Variants in ESD observed in about 807,000 individuals in gnomAD.
ESD encodes S-formylglutathione hydrolase.
A neutral mutation model predicts 38.1 loss-of-function variants in ESD; 34 were observed. The observed-to-expected ratio is 0.89, with a 90% CI of 0.68 to 1.19. ESD has a LOEUF of 1.19. Ranked by LOEUF, ESD falls within the 50% of genes most tolerant of loss-of-function variation. The pLI is 0.00. For missense variants in ESD, 334 were observed against 327.2 expected (o/e 1.02, Z -0.16); for synonymous variants, 97 against 107.0 (o/e 0.91, Z 0.58).
rs1321096866 is a variant in ESD, at chr13:46,771,398, C to A, written c.*18G>T. The A allele has an allele frequency of 4.1e-6, 6 of 1,475,118 alleles. No homozygotes were observed. The highest frequency in any genetic ancestry group is 1.8e-5 in the Admixed American group (1 of 55,422). The allele number at this position is 1,475,118 out of a possible 1,614,324, so 91.4% of individuals were successfully genotyped here. ...CAACTTTTATAATCCTGAAGAGATT[C>A]TCTTATTTGGAGTTTTTTCATGCAT... On this transcript the variant is annotated 3_prime_UTR_variant, in exon 10 of 10. Transcript: ENST00000378720.
At chr13:46,774,938 A>G (rs1218818841) in intron 9 of ESD, among the ~76,000 whole-genome samples, 1 of 152,216 alleles carries the variant, frequency 6.6e-6, no homozygotes, top group Non-Finnish European at 1.5e-5. Flanking sequence ...GCAGATGCAG[A>G]GGCTAAAACA....
chr13:46,776,922 A>T (rs567745671), intron 9 of ESD: 4 of 152,206 alleles, frequency 2.6e-5, no homozygotes, highest in African/African-American at 9.6e-5. Flanking sequence ...GGACGGTCAA[A>T]AATATTTTAG....
intron 8 of ESD, among the ~76,000 whole-genome samples, chr13:46,778,858 A>C (rs1431365200): frequency 6.6e-6 from 1 of 151,880 alleles, no homozygotes; most frequent in African/African-American, 2.4e-5. Flanking sequence ...TTAATTAGTT[A>C]GAATTTCAGT....
At chr13:46,775,951 C>A in intron 9 of ESD, 1 of 224,456 alleles carries the variant, frequency 4.5e-6, no homozygotes, top group South Asian at 5.8e-5. Context: ...ACTTTGTTGG[C>A]AGGCAGAATC....
At position 46,777,540 on chromosome 13, in the gene ESD, A is replaced by T; in HGVS notation, c.684T>A (p.Phe228Leu). The T allele has an allele frequency of 6.2e-7, 1 of 1,611,680 alleles. No homozygotes were observed. The highest frequency in any genetic ancestry group is 8.5e-7 in the Non-Finnish European group (1 of 1,178,352). ...ILIDQGKDDQFLLDGQLLPDN... is the reference protein window; with the variant it reads ...ILIDQGKDDQLLLDGQLLPDN... Reference sequence around the variant, plus strand: ...CAGGGAGTAACTGTCCATCTAAAAGAAACTGGTCATCTTTCCCTTGATCAA... The same window carrying T: ...CAGGGAGTAACTGTCCATCTAAAAGTAACTGGTCATCTTTCCCTTGATCAA... Residue 228 changes from phenylalanine to leucine, a missense_variant, in exon 9 of 10, where the codon TTT (phenylalanine) becomes TTA (leucine). By Grantham distance (22) the Phe-to-Leu change is conservative. Coordinates refer to ENST00000378720, the MANE Select transcript of ESD (RefSeq NM_001984.2).
At chr13:46,794,879 C>T (rs1385063751) in intron 1 of ESD, among the ~76,000 whole-genome samples, 1 of 152,140 alleles carries the variant, frequency 6.6e-6, no homozygotes, top group African/African-American at 2.4e-5. Flanking sequence ...CACACTCTTT[C>T]CCTAAACCTC....
chr13:46,774,102 T>C (rs1018398865), intron 9 of ESD, among the ~76,000 whole-genome samples: 1 of 152,108 alleles, frequency 6.6e-6, no homozygotes, highest in South Asian at 2.1e-4. Flanking sequence ...TATGCCATAT[T>C]TTTATCCTTA....
intron 1 of ESD, among the ~76,000 whole-genome samples, chr13:46,794,439 T>C (rs145061535): frequency 1.7e-3 from 261 of 152,282 alleles, no homozygotes; most frequent in African/African-American, 6.0e-3. Flanking sequence ...GCTTCAAGTG[T>C]TCTCCTACCT....
intron 7 of ESD, among the ~76,000 whole-genome samples, chr13:46,781,169 T>C (rs1271051099): frequency 6.6e-6 from 1 of 151,742 alleles, no homozygotes. Context: ...CCTGCCACTA[T>C]AACATTAATC....
intron 9 of ESD, among the ~76,000 whole-genome samples, chr13:46,772,315 G>A (rs1438457384): frequency 1.3e-5 from 2 of 151,702 alleles, no homozygotes; most frequent in Admixed American, 6.6e-5. Context: ...TAAAACCATT[G>A]TTGTAGGTAA....
In ESD at chr13:46,797,142, T is replaced by G. The variant is rs1406962083; in HGVS notation, c.-93A>C. On this transcript the variant is annotated 5_prime_UTR_variant, in exon 1 of 10. Coordinates refer to ENST00000378720, the MANE Select transcript of ESD (RefSeq NM_001984.2). ...AGTGACCAGAAGAAGCGGGCCGAAG[T>G]AAAAGGCGGGGCTCAAGATGGCCGC... is the stretch of plus-strand genomic sequence containing the variant. The G allele has an allele frequency of 6.6e-6, 1 of 152,394 alleles. No homozygotes were observed. Among genetic ancestry groups the G allele is most frequent in the African/African-American group, 2.4e-5 (1 of 41,466 alleles). 9.4% of individuals were successfully genotyped at this position (152,394 alleles called of 1,614,324 possible).
At chr13:46,795,564 G>C (rs1473094532) in intron 1 of ESD, among the ~76,000 whole-genome samples, 2 of 152,122 alleles carry the variant, frequency 1.3e-5, no homozygotes, top group Non-Finnish European at 2.9e-5. Flanking sequence ...TTCGCTGTTA[G>C]GCCAGTCGCT....
chr13:46,777,456 C>G lies in ESD; in HGVS notation c.768G>C (p.Glu256Asp). ...CAAGCTAAAGTTTCCTAATACTTGC[C>G]TCTTGCAATCGAAAAACAACGGGGA... The part of the protein sequence containing the change: ...KKIPVVFRLQ[E>D]GYDHSYYFIA... Residue 256 changes from glutamate to aspartate, a missense_variant and splice_region_variant, in exon 9 of 10, where the codon GAG becomes GAC. Glu to Asp is a conservative substitution (Grantham distance 45). Coordinates refer to ENST00000378720, the MANE Select transcript of ESD (RefSeq NM_001984.2). The G allele has an allele frequency of 6.2e-7, 1 of 1,600,290 alleles. No homozygotes were observed. The highest frequency in any genetic ancestry group is 8.5e-7 in the Non-Finnish European group (1 of 1,171,706).
At chr13:46,779,704 T>C (rs1418154591) in intron 8 of ESD, among the ~76,000 whole-genome samples, 1 of 143,872 alleles carries the variant, frequency 7.0e-6, no homozygotes, top group Non-Finnish European at 1.5e-5. Context: ...TTTTTGTTGA[T>C]TTATATATAT....
intron 6 of ESD, 91 bp from the exon 7 acceptor site, chr13:46,781,706 T>C (rs1875009759): frequency 1.7e-6 from 2 of 1,165,684 alleles, no homozygotes; most frequent in South Asian, 1.3e-5. Context: ...CAATCAATAC[T>C]GCCAAATCAT....
chr13:46,776,195 A>C (rs1249953788), intron 9 of ESD: 1 of 153,390 alleles, frequency 6.5e-6, no homozygotes, highest in Non-Finnish European at 1.5e-5. Flanking sequence ...TGTTCAAATA[A>C]ATCTAAAACA....
chr13:46,784,343 A>C lies in ESD; in HGVS notation c.165T>G (p.Thr55=). ...CPALYWLSGL[T]CTEQNFISKS... is the part of the protein sequence containing the mutation. The stretch of plus-strand genomic sequence containing the variant: ...TTGATATAAAATTTTGCTCTGTGCA[A>C]GTTAAACCTGAAGATAAAAAATATT... The change falls in exon 5 of 10, where the codon ACT becomes ACG. Residue 55 remains threonine (T), a synonymous_variant. Coordinates refer to ENST00000378720, the MANE Select transcript of ESD (RefSeq NM_001984.2). The C allele has an allele frequency of 6.2e-7, 1 of 1,606,962 alleles. No individual in the cohort carries two copies. The highest frequency in any genetic ancestry group is 8.5e-7 in the Non-Finnish European group (1 of 1,175,672).
chr13:46,787,350 G>A (rs115448751), intron 3 of ESD, among the ~76,000 whole-genome samples: 2,853 of 151,990 alleles, frequency 0.019, 83 homozygotes, highest in African/African-American at 0.063. Context: ...GCATGGCACT[G>A]TCATTCTGGG....
intron 4 of ESD, among the ~76,000 whole-genome samples, chr13:46,786,577 GC>G (rs1420858718): frequency 3.3e-5 from 5 of 151,986 alleles, no homozygotes; most frequent in African/African-American, 1.2e-4. Context: ...TGTCAGAGAA[GC>G]TCTATGGAGT....
Sources: allele counts gnomAD v4.1 joint callset (sites outside exome capture counted in the v4.1 genomes callset), GRCh38; gene constraint gnomAD v4.1.1; transcripts MANE v1.5; gene names NCBI Gene and HGNC (gene_info 2026-07-23, HGNC 2026-07-21).